Variants in ENPEP observed in about 807,000 individuals in gnomAD.
The protein encoded by ENPEP is glutamyl aminopeptidase, also known as AP-A.
In ENPEP, 103 loss-of-function variants were observed where a neutral mutation model predicts 114.5. The observed-to-expected ratio is 0.90, with a 90% CI of 0.77 to 1.06. The LOEUF is 1.06. Ranked by LOEUF, ENPEP falls within the 50% of genes least tolerant of loss-of-function variation. The probability of loss-of-function intolerance (pLI) is 0.00; values close to 1 mark genes in which losing one functional copy is unlikely to be tolerated. For synonymous variants in ENPEP, 420 were observed against 422.0 expected (o/e 1.00, Z 0.06); for missense variants, 1,196 against 1,161.3 (o/e 1.03, Z -0.43).
intron 17 of ENPEP, among the ~76,000 whole-genome samples, chr4:110,550,502 T>A (rs1727246531): frequency 6.6e-6 from 1 of 152,068 alleles, no homozygotes; most frequent in South Asian, 2.1e-4. Context: ...AGAGCAAAAC[T>A]GGGCTCTGTG....
intron 3 of ENPEP, among the ~76,000 whole-genome samples, chr4:110,503,247 T>C (rs1275794178): frequency 6.6e-6 from 1 of 152,190 alleles, no homozygotes; most frequent in African/African-American, 2.4e-5. Flanking sequence ...ATGTTTTCTT[T>C]ATTTTTGTCG....
At position 110,514,496 on chromosome 4, in the gene ENPEP, G is replaced by A. The variant is rs75960413; in HGVS notation, c.1444-881G>A. 6.2e-3 allele frequency among the ~76,000 whole-genome samples: 946 copies of A among 151,690 alleles called. 6 individuals are homozygous for A. The highest frequency in any genetic ancestry group is 0.022 in the African/African-American group (894 of 41,394). On this transcript the variant is annotated intron_variant, in intron 7 of 19. Transcript: ENST00000265162. ...ATCTTTATGTCGAAATGAAAATTTC[G>A]AATCCACTTATAGCCTATTCTAATT...
At chr4:110,481,845 G>GGT (rs34891983) in intron 1 of ENPEP, among the ~76,000 whole-genome samples, 44,451 of 151,988 alleles carry the variant, frequency 0.29, 6,961 homozygotes, top group African/African-American at 0.33. Context: ...GGGCTGCCAA[G>GGT]GTGTTCTTCG....
intron 18 of ENPEP, among the ~76,000 whole-genome samples, chr4:110,555,064 T>A (rs926819381): frequency 6.6e-6 from 1 of 152,022 alleles, no homozygotes; most frequent in Admixed American, 6.6e-5. Flanking sequence ...TTAAAATAAA[T>A]GTATTAGGCC....
chr4:110,560,745 C>T (rs561299015), intron 19 of ENPEP, among the ~76,000 whole-genome samples: 2 of 152,128 alleles, frequency 1.3e-5, no homozygotes, highest in South Asian at 4.2e-4. Context: ...CAAATCTTTC[C>T]GGTTTCAAAT....
At chr4:110,482,970 C>T (rs1724370697) in intron 1 of ENPEP, among the ~76,000 whole-genome samples, 1 of 152,180 alleles carries the variant, frequency 6.6e-6, no homozygotes, top group Non-Finnish European at 1.5e-5. Context: ...GATCGCGCCA[C>T]TGCACTCTAG....
chr4:110,502,825 A>G (rs1005897282), intron 3 of ENPEP, among the ~76,000 whole-genome samples: 1 of 152,154 alleles, frequency 6.6e-6, no homozygotes, highest in Non-Finnish European at 1.5e-5. Flanking sequence ...GTTGTTTGAT[A>G]GGAACACCAC....
Position 110,561,462 on chromosome 4 carries a change from A to G in ENPEP, c.2778A>G (p.Glu926=). Residue 926 remains glutamate, a synonymous_variant, in exon 20 of 20, where the codon GAA becomes GAG. Transcript: ENST00000265162. ...CTGGAGCAGGAGAAAAACCTAGGGA[A>G]CAAGTGCTGGAAACAGTGAAAAACA... ...PQAGAGEKPR[E]QVLETVKNNI... is the part of the protein sequence containing the mutation. 1.2e-6 allele frequency: 2 copies of G among 1,614,076 alleles called. No individual in the cohort carries two copies. Among genetic ancestry groups the G allele is most frequent in the South Asian group, 1.1e-5 (1 of 91,076 alleles).
Position 110,526,307 on chromosome 4 carries a change from C to T in ENPEP, c.1728-4891C>T, listed in dbSNP as rs569501160. On this transcript the variant is annotated intron_variant, in intron 10 of 19. Transcript: ENST00000265162. ...ACAGAACAAACCCCCCGCCCCAAAA[C>T]AGAAATTACAGCGTATATGAAAGCC... Among the ~76,000 whole-genome samples the T allele has an allele frequency of 2.7e-4, 41 of 152,038 alleles. 1 individual carries two copies. Among genetic ancestry groups the T allele is most frequent in the Non-Finnish European group, 5.3e-4 (36 of 67,994 alleles).
chr4:110,557,039 AG>A, intron 18 of ENPEP, among the ~76,000 whole-genome samples: 1 of 152,298 alleles, frequency 6.6e-6, no homozygotes, highest in South Asian at 2.1e-4. Flanking sequence ...TTCAGGTCTT[AG>A]GCAAAAATGT....
intron 3 of ENPEP, 130 bp downstream of exon 3, chr4:110,491,294 T>G: frequency 3.7e-6 from 3 of 821,482 alleles, no homozygotes; most frequent in Non-Finnish European, 5.4e-6. Flanking sequence ...CCAGGGTCTG[T>G]GGACTTGATA....
intron 11 of ENPEP, among the ~76,000 whole-genome samples, chr4:110,535,095 C>A (rs1006265492): frequency 1.3e-5 from 2 of 152,164 alleles, no homozygotes; most frequent in Non-Finnish European, 2.9e-5. Context: ...TTACTGCTTT[C>A]TAACATTTAG....
At chr4:110,521,922 AGG>A (rs200774270) in intron 10 of ENPEP, among the ~76,000 whole-genome samples, 1,910 of 150,952 alleles carry the variant, frequency 0.013, 41 homozygotes, top group African/African-American at 0.044. Context: ...TCTGTCACCC[AGG>A]TTGGAGTGCA....
intron 4 of ENPEP, among the ~76,000 whole-genome samples, chr4:110,507,523 T>C (rs112475250): frequency 9.1e-4 from 139 of 152,328 alleles, no homozygotes; most frequent in African/African-American, 3.2e-3. Context: ...AACTTATCAA[T>C]GCACACAAGG....
rs147704852 is a variant in ENPEP at position 110,530,007 on chromosome 4, C to T, written c.1728-1191C>T. Among the ~76,000 whole-genome samples the T allele has an allele frequency of 3.1e-3, 475 of 151,872 alleles. 19 individuals carry two copies. The South Asian group carries it at 0.045, about 14-fold the overall frequency. ...AGGAGAATCACTTGAACCTGGTAGGCGGAGGTTGCAGTGAGCCGAGTCCGT... is the reference window on the plus strand; with the variant it reads ...AGGAGAATCACTTGAACCTGGTAGGTGGAGGTTGCAGTGAGCCGAGTCCGT... On this transcript the variant is annotated intron_variant, in intron 10 of 19. Transcript: ENST00000265162.
At chr4:110,521,651 C>G (rs1725994630) in intron 10 of ENPEP, among the ~76,000 whole-genome samples, 3 of 151,916 alleles carry the variant, frequency 2.0e-5, no homozygotes. Flanking sequence ...AGATGAAGAA[C>G]TATTACACCA....
In ENPEP at chr4:110,531,212, T is replaced by C; in HGVS notation, c.1742T>C (p.Ile581Thr). ...PPSDLGYTWN[I>T]PVKWTEDNIT... ...AAAAATTTTAGTTATACATGGAATA[T>C]CCCAGTTAAATGGACTGAAGATAAT... is the stretch of plus-strand genomic sequence containing the variant. The change falls in exon 11 of 20, where the codon ATC becomes ACC. Residue 581 changes from isoleucine (I) to threonine (T), a missense_variant. By Grantham distance (89) the Ile-to-Thr change is moderately conservative. Coordinates refer to ENST00000265162, the MANE Select transcript of ENPEP (RefSeq NM_001977.4). 1 of 1,474,800 alleles carries C rather than the reference T, an allele frequency of 6.8e-7. No homozygotes were observed. The highest frequency in any genetic ancestry group is 2.2e-5 in the Admixed American group (1 of 45,256). The allele number at this position is 1,474,800 out of a possible 1,614,324, so 91.4% of individuals were successfully genotyped here.
chr4:110,534,336 G>T (rs938065843), intron 11 of ENPEP, among the ~76,000 whole-genome samples: 1 of 151,872 alleles, frequency 6.6e-6, no homozygotes, highest in South Asian at 2.1e-4. Context: ...AACATTTTCT[G>T]GCTACTCCAG....
rs779918908 is a variant in ENPEP at position 110,542,872 on chromosome 4, C to G, written c.1929C>G (p.Leu643=). The G allele has an allele frequency of 6.2e-7, 1 of 1,612,812 alleles. No individual in the cohort carries two copies. The highest frequency in any genetic ancestry group is 1.3e-5 in the African/African-American group (1 of 74,850). Reference sequence around the variant, plus strand: ...CTTGGGACTCGATAGCTACAGCGCTCTCCTTGAACCACAAGGTAAGAGATA... The same window carrying G: ...CTTGGGACTCGATAGCTACAGCGCTGTCCTTGAACCACAAGGTAAGAGATA... ...VATWDSIATA[L]SLNHKTFSSA... Residue 643 remains leucine, a synonymous_variant, in exon 12 of 20, where the codon CTC becomes CTG. Transcript: ENST00000265162.
Sources: gnomAD v4.1 joint callset for allele counts (sites outside exome capture counted in the v4.1 genomes callset) on GRCh38, gnomAD v4.1.1 for gene constraint, MANE v1.5 for transcripts, NCBI Gene and HGNC (gene_info 2026-07-23, HGNC 2026-07-21) for gene names.